Variants in SMG1 observed in about 807,000 individuals in gnomAD.
SMG1 encodes SMG1 nonsense mediated mRNA decay associated PI3K related kinase, also known as serine/threonine-protein kinase SMG1.
A neutral mutation model predicts 419.9 loss-of-function variants in SMG1; 22 were observed. That is an observed-to-expected ratio of 0.05 (90% CI 0.04 to 0.07). The LOEUF is 0.07. Ranked by LOEUF, SMG1 falls within the 10% of genes least tolerant of loss-of-function variation. The pLI is 1.00. For synonymous variants in SMG1, 1,538 were observed against 1,553.5 expected (o/e 0.99, Z 0.23); for missense variants, 3,185 against 4,342.0 (o/e 0.73, Z 7.49).
chr16:18,914,853 C>T (rs1171449913), intron 1 of SMG1, among the ~76,000 whole-genome samples: 4 of 151,772 alleles, frequency 2.6e-5, no homozygotes, highest in Non-Finnish European at 2.9e-5. Context: ...ACAATAGACC[C>T]AAGATAAGTC....
chr16:18,872,427 T>C (rs902254025), intron 14 of SMG1, 67 bp downstream of exon 14: 18 of 1,480,282 alleles, frequency 1.2e-5, no homozygotes, highest in African/African-American at 1.5e-5. Context: ...CATACATCTT[T>C]AAAATCTATC....
intron 10 of SMG1, among the ~76,000 whole-genome samples, 160 bp from the exon 11 acceptor site, chr16:18,879,879 A>G (rs1270503099): frequency 6.6e-6 from 1 of 152,270 alleles, no homozygotes; most frequent in Non-Finnish European, 1.5e-5. Flanking sequence ...TAATAATGAT[A>G]TCTTTAGTAC....
rs577875765 is a variant in SMG1, at chr16:18,880,885, C to T, written c.1294-1166G>A. Among the ~76,000 whole-genome samples the T allele has an allele frequency of 2.7e-5, 4 of 150,436 alleles. No homozygotes were observed. In the South Asian group the frequency reaches 8.4e-4, roughly 32 times the overall value. On this transcript the variant is annotated intron_variant, in intron 10 of 62. Transcript: ENST00000446231. ...CATCTCTACAAAAATAAAAAATTAG[C>T]AGGAGCTATAGTGGGAAGATCACTT...
In SMG1 at chr16:18,850,370, C is replaced by A; in HGVS notation, c.5150G>T (p.Trp1717Leu). 6.2e-7 allele frequency: 1 copy of A among 1,613,980 alleles called. No individual in the cohort carries two copies. Among genetic ancestry groups the A allele is most frequent in the Non-Finnish European group, 8.5e-7 (1 of 1,179,874 alleles). ...TGCACTTTCATCAAGTTCTGAAAGC[C>A]ATGGGCAGCTTGATATCAACTGACG... is the stretch of plus-strand genomic sequence containing the variant. ...IWRQLISSCPWLSELDESATE... is the reference protein window; with the variant it reads ...IWRQLISSCPLLSELDESATE... Residue 1717 changes from tryptophan to leucine, a missense_variant, in exon 34 of 63, where the codon TGG becomes TTG. Physicochemically the swap from Trp to Leu is moderately conservative, Grantham distance 61 (BLOSUM62 -2). Coordinates refer to ENST00000446231, the MANE Select transcript of SMG1 (RefSeq NM_015092.5).
chr16:18,872,369 C>T (rs1390855952), intron 14 of SMG1, 24 bp from the exon 15 acceptor site: 2 of 1,538,658 alleles, frequency 1.3e-6, no homozygotes, highest in African/African-American at 2.8e-5. Context: ...CACAGATTAT[C>T]TTTTCATCTT....
intron 5 of SMG1, among the ~76,000 whole-genome samples, chr16:18,890,183 T>C (rs1177347429): frequency 6.6e-6 from 1 of 152,162 alleles, no homozygotes; most frequent in Non-Finnish European, 1.5e-5. Context: ...GGATCCACTC[T>C]TACCCAAAGA....
chr16:18,818,973 C>T (rs1417918524), intron 56 of SMG1, among the ~76,000 whole-genome samples: 2 of 152,128 alleles, frequency 1.3e-5, no homozygotes, highest in South Asian at 2.1e-4. Context: ...CCCACCACCA[C>T]ACCCAGCTAA....
chr16:18,882,897 A>G lies in SMG1; in HGVS notation c.1120-559T>C, dbSNP rs569592426. Among the ~76,000 whole-genome samples, 4 of 152,356 alleles carry G rather than the reference A, an allele frequency of 2.6e-5. No homozygotes were observed. In the East Asian group the frequency reaches 7.7e-4, roughly 29 times the overall value. On this transcript the variant is annotated intron_variant, in intron 9 of 62. Transcript: ENST00000446231. ...CTACCTAAAATTAAGCAGCAAAATAACAGAAGAGAATGAGATCTTAAGGAT... is the reference window on the plus strand; with the variant it reads ...CTACCTAAAATTAAGCAGCAAAATAGCAGAAGAGAATGAGATCTTAAGGAT...
At chr16:18,827,351 G>A (rs1454342326) in intron 55 of SMG1, among the ~76,000 whole-genome samples, 3 of 151,432 alleles carry the variant, frequency 2.0e-5, no homozygotes, top group East Asian at 1.9e-4. Context: ...GCTTGAACCC[G>A]AGAGGCAGAG....
rs1044290188 is a variant in SMG1 at position 18,829,612 on chromosome 16, G to A, written c.9277C>T (p.Leu3093Phe). 5.0e-6 allele frequency: 8 copies of A among 1,613,876 alleles called. No individual in the cohort carries two copies. Among genetic ancestry groups the A allele is most frequent in the Non-Finnish European group, 6.8e-6 (8 of 1,179,888 alleles). The change falls in exon 54 of 63, where the codon CTC (leucine) becomes TTC (phenylalanine). Residue 3093 changes from leucine (L) to phenylalanine (F), a missense_variant. Leu to Phe is a conservative substitution (Grantham distance 22). Transcript: ENST00000446231. ...GCTTGGTTGGGTAGCCCTATCAAGAGCTGCCTCACAAAGTCAGCTGTGAAT... is the reference window on the plus strand; with the variant it reads ...GCTTGGTTGGGTAGCCCTATCAAGAACTGCCTCACAAAGTCAGCTGTGAAT... ...KAFTADFVRQ[L>F]LIGLPNQALG...
intron 1 of SMG1, among the ~76,000 whole-genome samples, chr16:18,924,137 T>C (rs2038300128): frequency 6.6e-6 from 1 of 152,214 alleles, no homozygotes; most frequent in African/African-American, 2.4e-5. Flanking sequence ...CAAAGAAACC[T>C]TGTAAGCTTT....
chr16:18,895,172 G>A (rs2037067044), intron 3 of SMG1, among the ~76,000 whole-genome samples: 1 of 152,184 alleles, frequency 6.6e-6, no homozygotes, highest in African/African-American at 2.4e-5. Flanking sequence ...TCATAAGGCA[G>A]AAATGCTATC....
chr16:18,881,427 A>G (rs1298538270), intron 10 of SMG1, among the ~76,000 whole-genome samples: 6 of 152,324 alleles, frequency 3.9e-5, no homozygotes, highest in East Asian at 3.9e-4. Context: ...AAAATTTTAT[A>G]TATCTACATA....
At chr16:18,900,912 G>C (rs1395690706) in intron 1 of SMG1, among the ~76,000 whole-genome samples, 1 of 152,148 alleles carries the variant, frequency 6.6e-6, no homozygotes, top group Non-Finnish European at 1.5e-5. Flanking sequence ...CTTTAATGAG[G>C]AATAAGAGAA....
chr16:18,827,468 ATTTT>A (rs1256671344), intron 55 of SMG1, among the ~76,000 whole-genome samples: 2 of 144,992 alleles, frequency 1.4e-5, no homozygotes, highest in African/African-American at 2.5e-5. Flanking sequence ...ATATATATAT[ATTTT>A]TATATATATT....
intron 1 of SMG1, among the ~76,000 whole-genome samples, chr16:18,901,954 A>AG (rs1276541363): frequency 1.5e-3 from 32 of 21,502 alleles, no homozygotes; most frequent in East Asian, 7.0e-3. Context: ...AAAAAAAAAA[A>AG]GGGGGGGGTG....
chr16:18,840,902 T>C (rs1245081980), intron 41 of SMG1, among the ~76,000 whole-genome samples: 2 of 152,124 alleles, frequency 1.3e-5, no homozygotes, highest in Admixed American at 6.5e-5. Context: ...GCCTCTTATA[T>C]AACTATTTTT....
At chr16:18,811,697 CTTT>C in intron 62 of SMG1, 61 bp downstream of exon 62, 1 of 1,345,336 alleles carries the variant, frequency 7.4e-7, no homozygotes, top group Non-Finnish European at 1.1e-6. Flanking sequence ...TGAGAGGGAT[CTTT>C]ATACACCTCT....
intron 36 of SMG1, 73 bp from the exon 37 acceptor site, chr16:18,848,106 A>C: frequency 7.9e-7 from 1 of 1,273,722 alleles, no homozygotes; most frequent in Non-Finnish European, 1.1e-6. Flanking sequence ...TAGGGAAAAC[A>C]CTGATAATCT....
Sources: gnomAD v4.1 joint callset for allele counts (sites outside exome capture counted in the v4.1 genomes callset) on GRCh38, gnomAD v4.1.1 for gene constraint, MANE v1.5 for transcripts, NCBI Gene and HGNC (gene_info 2026-07-23, HGNC 2026-07-21) for gene names.